MEGF11: variants seen among roughly 807,000 people sequenced by gnomAD.
The protein encoded by MEGF11 is multiple epidermal growth factor-like domains protein 11.
Under a neutral mutation model 146.6 loss-of-function variants are expected in MEGF11, and 126 were observed. That is an observed-to-expected ratio of 0.86 (90% CI 0.74 to 1.00). The LOEUF (loss-of-function observed/expected upper bound fraction) is 1.00, where lower values mean the gene tolerates loss of function less well. Ranked by LOEUF, MEGF11 falls within the 50% of genes least tolerant of loss-of-function variation. The pLI, the probability that MEGF11 is intolerant of heterozygous loss-of-function variation, is 0.00. For synonymous variants in MEGF11, 532 were observed against 583.4 expected (o/e 0.91, Z 1.27); for missense variants, 1,509 against 1,521.2 (o/e 0.99, Z 0.13).
chr15:66,094,870 G>T (rs891870036), intron 4 of MEGF11, among the ~76,000 whole-genome samples: 1 of 152,052 alleles, frequency 6.6e-6, no homozygotes, highest in African/African-American at 2.4e-5. Context: ...TCTGTCCCTT[G>T]TATCTTCTGC....
intron 1 of MEGF11, 82 bp downstream of exon 1, chr15:66,253,523 G>A (rs1208140594): frequency 1.3e-5 from 2 of 152,154 alleles, no homozygotes; most frequent in Non-Finnish European, 2.9e-5. Context: ...CCTCCCCAGG[G>A]CCGGAACCCC....
At chr15:65,961,181 G>C (rs1369792881) in intron 9 of MEGF11, among the ~76,000 whole-genome samples, 1 of 152,170 alleles carries the variant, frequency 6.6e-6, no homozygotes, top group Non-Finnish European at 1.5e-5. Flanking sequence ...TCTTCCTGGT[G>C]GTGGTCCCCA....
At position 65,897,215 on chromosome 15, in the gene MEGF11, A is replaced by C. The variant is rs1482982005; in HGVS notation, c.*719T>G. 1 of 152,254 alleles carries C rather than the reference A, an allele frequency of 6.6e-6. No homozygotes were observed. The highest frequency in any genetic ancestry group is 1.9e-4 in the East Asian group (1 of 5,204). The allele number at this position is 152,254 out of a possible 1,614,324, so 9.4% of individuals were successfully genotyped here. ...ACTTTGAATTGGCAAAATTTGATAA[A>C]GCTGCCCTAGGAATCTTATTGTAGA... On this transcript the variant is annotated 3_prime_UTR_variant, in exon 26 of 26. Coordinates refer to ENST00000395614, the MANE Select transcript of MEGF11 (RefSeq NM_001385028.1).
At chr15:66,084,943 C>CG (rs1180574177) in intron 5 of MEGF11, among the ~76,000 whole-genome samples, 1 of 152,092 alleles carries the variant, frequency 6.6e-6, no homozygotes, top group African/African-American at 2.4e-5. Context: ...AAACAGACTC[C>CG]GGGCTGTTGC....
chr15:65,976,574 A>G (rs1224904392), intron 7 of MEGF11, among the ~76,000 whole-genome samples: 5 of 152,202 alleles, frequency 3.3e-5, no homozygotes, highest in African/African-American at 1.2e-4. Flanking sequence ...CTCAGAAGGA[A>G]CCAACGCTGC....
intron 1 of MEGF11, among the ~76,000 whole-genome samples, chr15:66,155,330 C>T (rs563105551): frequency 6.6e-6 from 1 of 152,312 alleles, no homozygotes; most frequent in Admixed American, 6.5e-5. Flanking sequence ...GAATTTGCCT[C>T]AGAGTGAGGG....
intron 1 of MEGF11, among the ~76,000 whole-genome samples, chr15:66,217,302 A>G (rs984369881): frequency 2.0e-5 from 3 of 152,228 alleles, no homozygotes. Flanking sequence ...GAGAGGGTTC[A>G]CCTGCGCAGG....
At chr15:66,077,698 G>C (rs368835367) in intron 5 of MEGF11, among the ~76,000 whole-genome samples, 1 of 152,332 alleles carries the variant, frequency 6.6e-6, no homozygotes, top group Admixed American at 6.5e-5. Context: ...GGATACGGGT[G>C]AGAGGGAGAC....
At chr15:66,077,090 A>C (rs2085622262) in intron 5 of MEGF11, among the ~76,000 whole-genome samples, 1 of 152,214 alleles carries the variant, frequency 6.6e-6, no homozygotes. Flanking sequence ...TGCCCACAGA[A>C]TAATGCCAGA....
intron 5 of MEGF11, among the ~76,000 whole-genome samples, chr15:66,044,342 C>T (rs970639008): frequency 2.0e-5 from 3 of 152,198 alleles, no homozygotes; most frequent in African/African-American, 7.2e-5. Flanking sequence ...CAACCCTCCA[C>T]TCATTAATCC....
chr15:66,211,403 A>G (rs893046043), intron 1 of MEGF11, among the ~76,000 whole-genome samples: 10 of 152,102 alleles, frequency 6.6e-5, no homozygotes, highest in Admixed American at 2.0e-4. Flanking sequence ...AGGCACCTGT[A>G]GTCCCAGCTA....
chr15:66,195,887 C>T (rs997752562), intron 1 of MEGF11, among the ~76,000 whole-genome samples: 4 of 152,190 alleles, frequency 2.6e-5, no homozygotes. Context: ...AACTGGTCAC[C>T]ACAGCAGGGG....
intron 5 of MEGF11, among the ~76,000 whole-genome samples, chr15:65,993,184 G>A (rs973784301): frequency 6.6e-6 from 1 of 152,174 alleles, no homozygotes; most frequent in South Asian, 2.1e-4. Context: ...CCTCTGTCCT[G>A]TGGCATTTAT....
chr15:66,112,786 T>C (rs969113207), intron 4 of MEGF11, among the ~76,000 whole-genome samples: 3 of 152,280 alleles, frequency 2.0e-5, no homozygotes, highest in Admixed American at 2.0e-4. Context: ...AGAAAATGAC[T>C]GAAAGCCTAG....
chr15:65,991,474 A>G (rs1468556744), intron 5 of MEGF11, among the ~76,000 whole-genome samples: 1 of 152,138 alleles, frequency 6.6e-6, no homozygotes, highest in Non-Finnish European at 1.5e-5. Flanking sequence ...TTGGGCCAGA[A>G]AATTCTTTGC....
intron 2 of MEGF11, among the ~76,000 whole-genome samples, chr15:66,127,201 C>G (rs1349372778): frequency 6.6e-6 from 1 of 152,230 alleles, no homozygotes; most frequent in East Asian, 1.9e-4. Context: ...TTGGAATGAA[C>G]TGAGGTCTTC....
At chr15:66,185,705 C>T (rs2090676893) in intron 1 of MEGF11, among the ~76,000 whole-genome samples, 1 of 152,132 alleles carries the variant, frequency 6.6e-6, no homozygotes, top group South Asian at 2.1e-4. Context: ...ATCAGGATGG[C>T]AAAGGTCAGG....
intron 11 of MEGF11, 102 bp downstream of exon 11, chr15:65,930,721 G>C: frequency 7.2e-7 from 1 of 1,389,186 alleles, no homozygotes; most frequent in Non-Finnish European, 9.6e-7. Context: ...GCATGTGGGG[G>C]CGGGGGTTGG....
chr15:66,075,040 T>A (rs950773430), intron 5 of MEGF11, among the ~76,000 whole-genome samples: 4 of 152,260 alleles, frequency 2.6e-5, no homozygotes, highest in African/African-American at 9.6e-5. Flanking sequence ...TGGATATTAA[T>A]CCTTATAGAT....
Sources: gnomAD v4.1 joint callset for allele counts (sites outside exome capture counted in the v4.1 genomes callset) on GRCh38, gnomAD v4.1.1 for gene constraint, MANE v1.5 for transcripts, NCBI Gene and HGNC (gene_info 2026-07-23, HGNC 2026-07-21) for gene names.